PABIR3: variants seen among roughly 807,000 people sequenced by gnomAD.
PABIR3 encodes the protein PABIR family member 3, also known as PABIR family member 1.
A neutral mutation model predicts 23.1 loss-of-function variants in PABIR3; 20 were observed. That is an observed-to-expected ratio of 0.86 (90% CI 0.61 to 1.26). The LOEUF (loss-of-function observed/expected upper bound fraction) is 1.26. Ranked by LOEUF, PABIR3 falls within the 50% of genes most tolerant of loss-of-function variation. The probability of loss-of-function intolerance (pLI) is 0.00; values close to 1 mark genes in which losing one functional copy is unlikely to be tolerated. For missense variants in PABIR3, 189 were observed against 195.4 expected (o/e 0.97, Z 0.20); for synonymous variants, 69 against 68.5 (o/e 1.01, Z -0.04).
chrX:134,850,034 A>G (rs1208495612), intron 9 of PABIR3, among the ~76,000 whole-genome samples: 1 of 107,518 alleles, frequency 9.3e-6, no homozygotes, highest in Non-Finnish European at 1.9e-5. Context: ...CACCATGCCC[A>G]GCTAATTTTT....
chrX:134,816,125 A>G (rs1420462898), intron 3 of PABIR3, among the ~76,000 whole-genome samples: 1 of 112,145 alleles, frequency 8.9e-6, no homozygotes, highest in Non-Finnish European at 1.9e-5. Context: ...TTACCCTTGC[A>G]TTCCTGGGAT....
chrX:134,813,693 G>A (rs2080803925), intron 2 of PABIR3, among the ~76,000 whole-genome samples: 1 of 111,659 alleles, frequency 9.0e-6, no homozygotes, highest in Admixed American at 9.6e-5. Context: ...GAGAGGCTGA[G>A]GCAGGAGCAT....
intron 3 of PABIR3, chrX:134,822,852 A>C (rs1329077288): frequency 7.2e-6 from 1 of 139,451 alleles, no homozygotes; most frequent in Non-Finnish European, 1.3e-5. Context: ...TAGTATGTAC[A>C]ACAGGCCAGG....
chrX:134,819,331 C>T (rs751947652), intron 3 of PABIR3, among the ~76,000 whole-genome samples: 1 of 111,491 alleles, frequency 9.0e-6, no homozygotes, highest in East Asian at 2.8e-4. Context: ...TTAAAATAAA[C>T]CATCTTATAT....
At chrX:134,798,827 G>T (rs1175834554) in intron 1 of PABIR3, among the ~76,000 whole-genome samples, 2 of 112,206 alleles carry the variant, frequency 1.8e-5, no homozygotes, top group Non-Finnish European at 3.8e-5. Context: ...ACTGGGGAGA[G>T]ACTGATATCC....
chrX:134,808,370 AT>A (rs2148095368), intron 2 of PABIR3, among the ~76,000 whole-genome samples: 1 of 95,423 alleles, frequency 1.0e-5, no homozygotes, highest in African/African-American at 4.0e-5. Context: ...TTGTATTTTT[AT>A]TTTTTATTTA....
At chrX:134,861,977 TA>T in the PABIR3 span, among the ~76,000 whole-genome samples, 1 of 110,648 alleles carries the variant, frequency 9.0e-6, no homozygotes, top group Non-Finnish European at 1.9e-5. Context: ...AACATTGGGT[TA>T]AAATAGATTG....
chrX:134,836,911 A>T (rs1481987389), intron 4 of PABIR3, among the ~76,000 whole-genome samples: 2 of 111,680 alleles, frequency 1.8e-5, no homozygotes, highest in Non-Finnish European at 3.8e-5. Context: ...AAAATCAATA[A>T]GAAGAAATTG....
chrX:134,803,090 T>C (rs1206183648), upstream of PABIR3, among the ~76,000 whole-genome samples: 1 of 112,205 alleles, frequency 8.9e-6, no homozygotes, highest in Non-Finnish European at 1.9e-5. Context: ...GGTAAAGGAA[T>C]TGACCAAGAC....
chrX:134,815,000 A>T, intron 3 of PABIR3, 151 bp downstream of exon 3: 1 of 417,957 alleles, frequency 2.4e-6, no homozygotes, highest in Non-Finnish European at 4.1e-6. Context: ...GATTAAGTAG[A>T]TGGGGGTGGA....
chrX:134,811,266 C>G, intron 2 of PABIR3: 2 of 480,094 alleles, frequency 4.2e-6, no homozygotes, highest in Non-Finnish European at 5.1e-6. Flanking sequence ...ATACTTAAAG[C>G]TAGGAGTTTT....
At chrX:134,824,518 G>T (rs775763116) in intron 3 of PABIR3, among the ~76,000 whole-genome samples, 1 of 112,073 alleles carries the variant, frequency 8.9e-6, no homozygotes, top group Non-Finnish European at 1.9e-5. Flanking sequence ...AAAAGATCAG[G>T]GCCAGGCCCG....
downstream of PABIR3, among the ~76,000 whole-genome samples, chrX:134,855,443 A>C (rs1300829921): frequency 9.0e-6 from 1 of 111,502 alleles, no homozygotes; most frequent in Non-Finnish European, 1.9e-5. Context: ...CAAAAAAAAA[A>C]AATTAAATTT....
chrX:134,812,730 A>G (rs1372484920), intron 2 of PABIR3, among the ~76,000 whole-genome samples: 3 of 111,498 alleles, frequency 2.7e-5, no homozygotes, highest in Non-Finnish European at 5.6e-5. Context: ...ATGGGCCTTC[A>G]TGGATTGATA....
At chrX:134,828,010 GCTCTCTCTCT>G (rs1167724649) in intron 3 of PABIR3, among the ~76,000 whole-genome samples, 61 of 61,285 alleles carry the variant, frequency 1.0e-3, no homozygotes, top group African/African-American at 3.6e-3. Flanking sequence ...CTAGCTCAGT[GCTCTCTCTCT>G]CTCTCTCTCT....
chrX:134,852,637 C>T (rs1313586845), intron 9 of PABIR3, among the ~76,000 whole-genome samples, 163 bp from the exon 10 acceptor site: 1 of 111,108 alleles, frequency 9.0e-6, no homozygotes, highest in Non-Finnish European at 1.9e-5. Context: ...TCAAAAATTA[C>T]TAAAGAATGG....
chrX:134,826,564 A>T (rs1313163164), intron 3 of PABIR3, among the ~76,000 whole-genome samples: 1 of 111,383 alleles, frequency 9.0e-6, no homozygotes, highest in Admixed American at 9.7e-5. Flanking sequence ...AAATTCTCTC[A>T]TTCCCCTCTG....
At chrX:134,855,228 A>G (rs1327617642), downstream of PABIR3, among the ~76,000 whole-genome samples, 1 of 110,323 alleles carries the variant, frequency 9.1e-6, no homozygotes, top group African/African-American at 3.3e-5. Context: ...AGGTCAGGAG[A>G]TCGAGACCAT....
upstream of PABIR3, chrX:134,807,166 G>T (rs2080283144): frequency 1.3e-6 from 1 of 784,425 alleles, no homozygotes; most frequent in Non-Finnish European, 1.5e-6. Flanking sequence ...GCGTCGTCCG[G>T]CTGATAGCTT....
Sources: allele counts gnomAD v4.1 joint callset (sites outside exome capture counted in the v4.1 genomes callset), GRCh38; gene constraint gnomAD v4.1.1; transcripts MANE v1.5; gene names NCBI Gene and HGNC (gene_info 2026-07-23, HGNC 2026-07-21).